Variants in CDH13 observed in about 807,000 individuals in gnomAD.
CDH13 encodes cadherin-13.
In CDH13, 24 loss-of-function variants were observed where a neutral mutation model predicts 63.8. The ratio of observed to expected loss-of-function variants is 0.38; its 90% CI spans 0.27 to 0.53. CDH13 has a LOEUF of 0.53. Ranked by LOEUF, CDH13 falls within the 20% of genes least tolerant of loss-of-function variation. CDH13 has a pLI of 0.85. For missense variants in CDH13, 1,049 were observed against 903.1 expected, an observed-to-expected ratio of 1.16 and a Z score of -2.07; for synonymous variants, 503 against 355.3, an observed-to-expected ratio of 1.42 and a Z score of -4.67.
chr16:82,982,751 C>G (rs1376917602), intron 2 of CDH13, among the ~76,000 whole-genome samples: 4 of 152,196 alleles, frequency 2.6e-5, no homozygotes, highest in African/African-American at 9.6e-5. Flanking sequence ...CATCACAATC[C>G]TATAACTAAT....
intron 1 of CDH13, among the ~76,000 whole-genome samples, chr16:82,665,380 G>A (rs76246462): frequency 0.016 from 2,399 of 152,196 alleles, 31 homozygotes; most frequent in Non-Finnish European, 0.023. Flanking sequence ...TCTTTAAACC[G>A]AGGCGCACGT....
intron 2 of CDH13, among the ~76,000 whole-genome samples, chr16:83,001,330 G>A (rs998005343): frequency 6.6e-6 from 1 of 152,210 alleles, no homozygotes; most frequent in Admixed American, 6.5e-5. Context: ...TGTTGCATTG[G>A]TGTGAATTCC....
intron 2 of CDH13, among the ~76,000 whole-genome samples, chr16:82,903,572 C>T (rs1330069984): frequency 3.3e-5 from 5 of 152,124 alleles, no homozygotes; most frequent in African/African-American, 4.8e-5. Context: ...TTTTTTCATC[C>T]TTTTTGTTTT....
intron 1 of CDH13, among the ~76,000 whole-genome samples, chr16:82,632,266 A>C (rs1307459514): frequency 6.6e-6 from 1 of 152,048 alleles, no homozygotes; most frequent in Non-Finnish European, 1.5e-5. Context: ...TGCTTTCACA[A>C]ATGTTGAGGT....
Position 83,788,092 on chromosome 16 carries a change from C to T in CDH13, c.2134+4620C>T, listed in dbSNP as rs113409296. ...ACACGTACATGTATGTTTGTGTGCACGCACGTGTGTGTACCCAGAAAGTAG... is the reference window on the plus strand; with the variant it reads ...ACACGTACATGTATGTTTGTGTGCATGCACGTGTGTGTACCCAGAAAGTAG... On this transcript the variant is annotated intron_variant, in intron 13 of 13. Coordinates refer to ENST00000567109, the MANE Select transcript of CDH13 (RefSeq NM_001257.5). 5.0e-3 allele frequency among the ~76,000 whole-genome samples: 761 copies of T among 152,268 alleles called. 3 individuals carry two copies. The highest frequency in any genetic ancestry group is 0.017 in the African/African-American group (723 of 41,538).
At chr16:83,700,139 T>C (rs1025754837) in intron 10 of CDH13, among the ~76,000 whole-genome samples, 1 of 152,170 alleles carries the variant, frequency 6.6e-6, no homozygotes, top group African/African-American at 2.4e-5. Flanking sequence ...CATTGTAGAT[T>C]AGTGTACATT....
intron 7 of CDH13, among the ~76,000 whole-genome samples, chr16:83,537,684 A>C (rs7193347): frequency 0.55 from 82,879 of 151,886 alleles, 22,640 homozygotes; most frequent in Non-Finnish European, 0.57. Flanking sequence ...ACATATAGTT[A>C]TTATCTAATA....
At chr16:83,727,652 C>G (rs147974437) in intron 10 of CDH13, among the ~76,000 whole-genome samples, 1 of 152,056 alleles carries the variant, frequency 6.6e-6, no homozygotes. Context: ...AGTACATCAA[C>G]ATTAGAAGCC....
intron 7 of CDH13, among the ~76,000 whole-genome samples, chr16:83,524,367 G>C (rs1475618926): frequency 6.6e-6 from 1 of 151,792 alleles, no homozygotes; most frequent in Non-Finnish European, 1.5e-5. Context: ...AATTGTAGGA[G>C]CAGGAAGTTC....
chr16:83,509,746 C>T (rs2074512516), intron 7 of CDH13, among the ~76,000 whole-genome samples: 1 of 152,120 alleles, frequency 6.6e-6, no homozygotes. Flanking sequence ...ATAATAAAAA[C>T]TAAGTTTTAT....
chr16:83,619,259 C>T lies in CDH13; in HGVS notation c.1101+16665C>T, dbSNP rs189367786. Among the ~76,000 whole-genome samples, 163 of 152,296 alleles carry T rather than the reference C, an allele frequency of 1.1e-3. 1 individual carries two copies. Among genetic ancestry groups the T allele is most frequent in the African/African-American group, 3.6e-3 (150 of 41,560 alleles). ...GAAGTGAACAGGGTCCCTGACCTCA[C>T]GAAGCATGGCTGGGGACAACCAGCC... On this transcript the variant is annotated intron_variant, in intron 8 of 13. Transcript: ENST00000567109.
chr16:83,191,508 C>CATATATATAT (rs1464187204), intron 4 of CDH13, among the ~76,000 whole-genome samples: 1,770 of 69,482 alleles, frequency 0.025, 18 homozygotes, highest in African/African-American at 0.055. Flanking sequence ...TATATATACA[C>CATATATATAT]ACACACACAC....
chr16:83,403,413 G>C (rs1183639861), intron 6 of CDH13, among the ~76,000 whole-genome samples: 1 of 152,090 alleles, frequency 6.6e-6, no homozygotes, highest in African/African-American at 2.4e-5. Flanking sequence ...CACGAGGTCA[G>C]GAGATCGAGA....
At chr16:82,725,006 A>G (rs1303328562) in intron 1 of CDH13, among the ~76,000 whole-genome samples, 1 of 152,194 alleles carries the variant, frequency 6.6e-6, no homozygotes, top group East Asian at 1.9e-4. Flanking sequence ...GAGATAATAC[A>G]TTTTAAATAG....
chr16:83,276,125 C>T (rs74031937), intron 5 of CDH13, among the ~76,000 whole-genome samples: 4,192 of 152,246 alleles, frequency 0.028, 205 homozygotes, highest in African/African-American at 0.094. Context: ...AGTTCAAACT[C>T]GCCCCACACT....
intron 1 of CDH13, among the ~76,000 whole-genome samples, chr16:82,782,342 A>G (rs898633659): frequency 6.6e-6 from 1 of 152,172 alleles, no homozygotes; most frequent in African/African-American, 2.4e-5. Flanking sequence ...TGGGTGGATC[A>G]CGAGGTCAGG....
chr16:83,443,331 G>T (rs1275705692), intron 6 of CDH13, among the ~76,000 whole-genome samples: 1 of 152,180 alleles, frequency 6.6e-6, no homozygotes, highest in East Asian at 1.9e-4. Flanking sequence ...ATGAGTGAAA[G>T]AATCTAAGGA....
At chr16:82,979,363 G>A (rs763387211) in intron 2 of CDH13, among the ~76,000 whole-genome samples, 3 of 152,130 alleles carry the variant, frequency 2.0e-5, no homozygotes, top group Non-Finnish European at 4.4e-5. Context: ...GAGAGTAGGG[G>A]CAGAGTGATA....
At chr16:82,795,564 A>G (rs1370390735) in intron 1 of CDH13, among the ~76,000 whole-genome samples, 1 of 152,132 alleles carries the variant, frequency 6.6e-6, no homozygotes, top group Non-Finnish European at 1.5e-5. Flanking sequence ...ATTACATACT[A>G]TATTATCCCC....
Sources: allele counts gnomAD v4.1 joint callset (sites outside exome capture counted in the v4.1 genomes callset), GRCh38; gene constraint gnomAD v4.1.1; transcripts MANE v1.5; gene names NCBI Gene and HGNC (gene_info 2026-07-23, HGNC 2026-07-21).